The following EFHD2 variants were observed in gnomAD, a reference collection of about 807,000 sequenced individuals.
EFHD2 encodes EF-hand domain family member D2, also known as EF-hand domain-containing protein D2.
In EFHD2, 12 loss-of-function variants were observed where a neutral mutation model predicts 20.3. That is an observed-to-expected ratio of 0.59 (90% confidence interval 0.38 to 0.96). The LOEUF is 0.96. Among genes scored for constraint, EFHD2 ranks in the 40% least tolerant of loss-of-function variants. EFHD2 has a pLI of 0.00. For missense variants in EFHD2, 250 were observed against 334.3 expected, an observed-to-expected ratio of 0.75 and a Z score of 1.97; for synonymous variants, 131 against 143.9, an observed-to-expected ratio of 0.91 and a Z score of 0.64.
rs188038920 is a variant in EFHD2, at chr1:15,427,778, G to A, written c.591+494G>A. 784 of 385,666 alleles carry A rather than the reference G, an allele frequency of 2.0e-3. 7 individuals are homozygous for A. The highest frequency in any genetic ancestry group is 0.014 in the African/African-American group (662 of 47,310). 23.9% of individuals were successfully genotyped at this position (385,666 alleles called of 1,614,324 possible). A position where few individuals can be genotyped will look rare whatever the true frequency, so the allele number is the denominator to read the frequency against. On this transcript the variant is annotated intron_variant, in intron 3 of 3. Coordinates refer to ENST00000375980, the MANE Select transcript of EFHD2 (RefSeq NM_024329.6). ...AGTGGCTCCTGGGTCCTGCCCACCC[G>A]GGGCCCCAGCTCTCCCGCCTTGTTT...
chr1:15,424,479 G>T (rs1707840796), intron 1 of EFHD2, among the ~76,000 whole-genome samples: 1 of 152,180 alleles, frequency 6.6e-6, no homozygotes, highest in Non-Finnish European at 1.5e-5. Context: ...CAGGTTGTTA[G>T]TGGTAGAAAA....
intron 1 of EFHD2, among the ~76,000 whole-genome samples, chr1:15,420,029 A>T (rs1707761812): frequency 6.6e-6 from 1 of 152,098 alleles, no homozygotes; most frequent in African/African-American, 2.4e-5. Flanking sequence ...AGGAGAGGTC[A>T]TGCTGGAGGG....
At position 15,413,099 on chromosome 1, in the gene EFHD2, C is replaced by T. The variant is rs1396558321; in HGVS notation, c.308+2820C>T. Among the ~76,000 whole-genome samples, 1 of 152,216 alleles carries T rather than the reference C, an allele frequency of 6.6e-6. No homozygotes were observed. The highest frequency in any genetic ancestry group is 1.5e-5 in the Non-Finnish European group (1 of 68,040). On this transcript the variant is annotated intron_variant, in intron 1 of 3. Coordinates refer to ENST00000375980, the MANE Select transcript of EFHD2 (RefSeq NM_024329.6). The surrounding 1 kb of genome is among the most constrained non-coding windows in gnomAD (Gnocchi z 4.4). ...GACGGGCTCTCGTGGAAGACAAACC[C>T]CCGTTCTGCTTCCGCTGTCCGAGTG...
In EFHD2 at chr1:15,428,898, C is replaced by T. The variant is rs915722667; in HGVS notation, c.*174C>T. On this transcript the variant is annotated 3_prime_UTR_variant, in exon 4 of 4. Transcript: ENST00000375980. Reference sequence around the variant, plus strand: ...TTATGGAGGTGGCCCGGCCCCTCCCCGCTCCCTTCCACTCTGCACGAGGCC... The same window carrying T: ...TTATGGAGGTGGCCCGGCCCCTCCCTGCTCCCTTCCACTCTGCACGAGGCC... 78 of 963,922 alleles carry T rather than the reference C, an allele frequency of 8.1e-5. No individual in the cohort carries two copies. In the South Asian group the frequency reaches 9.5e-4, roughly 12 times the overall value. 59.7% of individuals were successfully genotyped at this position (963,922 alleles called of 1,614,324 possible).
At chr1:15,411,372 C>T (rs988275701) in intron 1 of EFHD2, among the ~76,000 whole-genome samples, 13 of 151,098 alleles carry the variant, frequency 8.6e-5, no homozygotes, top group Admixed American at 3.3e-4. Flanking sequence ...GTGGGCTCAT[C>T]CCCCTGTCCC....
intron 1 of EFHD2, among the ~76,000 whole-genome samples, chr1:15,418,852 CCAGCG>C (rs1448611997): frequency 1.3e-5 from 1 of 77,438 alleles, no homozygotes; most frequent in Non-Finnish European, 2.7e-5. Flanking sequence ...GGTTCAGAGC[CCAGCG>C]ACACCCTTGT....
Position 15,425,757 on chromosome 1 carries a change from G to A in EFHD2, c.309-114G>A, listed in dbSNP as rs185995725. ...GACTGAGGTCCCTTCCAACAGTGAC[G>A]GGATTTTATGGTTGGTAGGAGATGC... On this transcript the variant is annotated intron_variant, in intron 1 of 3. Coordinates refer to ENST00000375980, the MANE Select transcript of EFHD2 (RefSeq NM_024329.6). 2.6e-4 allele frequency: 378 copies of A among 1,440,562 alleles called. No individual in the cohort carries two copies. In the African/African-American group the frequency reaches 4.4e-3, roughly 17 times the overall value. The allele number at this position is 1,440,562 out of a possible 1,614,324, so 89.2% of individuals were successfully genotyped here. A position where few individuals can be genotyped will look rare whatever the true frequency, so the allele number is the denominator to read the frequency against.
At position 15,428,949 on chromosome 1, in the gene EFHD2, C is replaced by T. The variant is rs901184766; in HGVS notation, c.*225C>T. The T allele has an allele frequency of 1.4e-5, 8 of 589,180 alleles. No individual in the cohort carries two copies. The highest frequency in any genetic ancestry group is 3.8e-5 in the African/African-American group (2 of 52,894). 36.5% of individuals were successfully genotyped at this position (589,180 alleles called of 1,614,324 possible). ...GCCACACCGGCGCTGGCTCCCTGCC[C>T]GGCCCGGCCCTCCCTGGCAATCCCT... On this transcript the variant is annotated 3_prime_UTR_variant, in exon 4 of 4. Coordinates refer to ENST00000375980, the MANE Select transcript of EFHD2 (RefSeq NM_024329.6).
intron 1 of EFHD2, among the ~76,000 whole-genome samples, chr1:15,424,330 G>C (rs181729242): frequency 6.6e-5 from 10 of 152,172 alleles, no homozygotes; most frequent in Admixed American, 2.0e-4. Flanking sequence ...ACAGCGCCTC[G>C]CCCTCTTTCA....
At position 15,426,393 on chromosome 1, in the gene EFHD2, A is replaced by C. The variant is rs1707872613; in HGVS notation, c.456+375A>C. Among the ~76,000 whole-genome samples the C allele has an allele frequency of 6.6e-6, 1 of 152,184 alleles. No homozygotes were observed. Among genetic ancestry groups the C allele is most frequent in the African/African-American group, 2.4e-5 (1 of 41,442 alleles). ...CAGAAGGAAATCAGGGCTGTGATGC[A>C]GAGGAAGAGGGCCACGGCACTGGGT... On this transcript the variant is annotated intron_variant, in intron 2 of 3. Coordinates refer to ENST00000375980, the MANE Select transcript of EFHD2 (RefSeq NM_024329.6). The surrounding 1 kb of genome is among the most constrained non-coding windows in gnomAD (Gnocchi z 4.6).
chr1:15,419,481 C>T (rs1188920460), intron 1 of EFHD2, among the ~76,000 whole-genome samples: 2 of 152,174 alleles, frequency 1.3e-5, no homozygotes, highest in Non-Finnish European at 2.9e-5. Flanking sequence ...CCTCCACTGG[C>T]CCTGCAAGCT....
chr1:15,428,548 C>T (rs746556457), intron 3 of EFHD2, 45 bp from the exon 4 acceptor site: 3 of 1,591,272 alleles, frequency 1.9e-6, no homozygotes, highest in Admixed American at 1.8e-5. Flanking sequence ...GAACCCCCAA[C>T]ATACACCATC....
chr1:15,422,349 C>T (rs531596714), intron 1 of EFHD2, among the ~76,000 whole-genome samples: 62 of 151,944 alleles, frequency 4.1e-4, no homozygotes, highest in Non-Finnish European at 6.6e-4. Flanking sequence ...CCTCAGCCTC[C>T]CAAAGCGCTG....
chr1:15,430,170 T>C lies in EFHD2; in HGVS notation c.*1446T>C, dbSNP rs1303924904. On this transcript the variant is annotated 3_prime_UTR_variant, in exon 4 of 4. Coordinates refer to ENST00000375980, the MANE Select transcript of EFHD2 (RefSeq NM_024329.6). ...CGGATTGCGTTTGCCTTAGCGGATA[T>C]GTTTATACAGATGAATATAAAATGT... The C allele has an allele frequency of 6.6e-6, 1 of 152,580 alleles. No individual in the cohort carries two copies. Among genetic ancestry groups the C allele is most frequent in the African/African-American group, 2.4e-5 (1 of 41,450 alleles). 9.5% of individuals were successfully genotyped at this position (152,580 alleles called of 1,614,324 possible). A position where few individuals can be genotyped will look rare whatever the true frequency, so the allele number is the denominator to read the frequency against.
intron 1 of EFHD2, among the ~76,000 whole-genome samples, chr1:15,424,279 T>G (rs976644051): frequency 6.6e-6 from 1 of 151,782 alleles, no homozygotes; most frequent in African/African-American, 2.4e-5. Flanking sequence ...CAGAGACCAG[T>G]AGGGCAGGTG....
At chr1:15,415,224 A>T (rs1285248536) in intron 1 of EFHD2, among the ~76,000 whole-genome samples, 1 of 152,202 alleles carries the variant, frequency 6.6e-6, no homozygotes, top group Non-Finnish European at 1.5e-5. Context: ...ACAAACATGT[A>T]TAGAGGTTTG....
chr1:15,414,077 A>T (rs1167051871), intron 1 of EFHD2, among the ~76,000 whole-genome samples: 1 of 152,114 alleles, frequency 6.6e-6, no homozygotes, highest in Non-Finnish European at 1.5e-5. Context: ...GGGTTTTGTA[A>T]GTTGAGACCT....
intron 1 of EFHD2, among the ~76,000 whole-genome samples, chr1:15,420,774 T>A (rs1707776072): frequency 6.6e-6 from 1 of 152,096 alleles, no homozygotes; most frequent in African/African-American, 2.4e-5. Flanking sequence ...TGCCTCAGCC[T>A]CCCAAAATGC....
intron 1 of EFHD2, among the ~76,000 whole-genome samples, chr1:15,423,357 C>T (rs1707824702): frequency 6.6e-6 from 1 of 152,236 alleles, no homozygotes; most frequent in Non-Finnish European, 1.5e-5. Context: ...CAAGACCCAT[C>T]TTTGCTGTGT....
Sources: gnomAD v4.1 joint callset for allele counts (sites outside exome capture counted in the v4.1 genomes callset) on GRCh38, gnomAD v4.1.1 for gene constraint, Gnocchi (gnomAD v3.1) non-coding constraint, MANE v1.5 for transcripts, NCBI Gene and HGNC (gene_info 2026-07-23, HGNC 2026-07-21) for gene names.